Variants in VDR observed in about 807,000 individuals in gnomAD.
The protein encoded by VDR is vitamin D3 receptor.
VDR carries 19 observed loss-of-function variants against 39.7 expected under a neutral mutation model. That is an observed-to-expected ratio of 0.48 (90% CI 0.33 to 0.70). VDR has a LOEUF of 0.70. Among genes scored for constraint, VDR ranks in the 30% least tolerant of loss-of-function variants. The pLI is 0.02. For missense variants in VDR, 442 were observed against 570.5 expected (o/e 0.77, Z 2.29); for synonymous variants, 242 against 215.8 (o/e 1.12, Z -1.07).
intron 6 of VDR, among the ~76,000 whole-genome samples, chr12:47,856,622 T>A (rs55941581): frequency 0.4 from 50,073 of 126,022 alleles, 8,843 homozygotes; most frequent in South Asian, 0.49. Flanking sequence ...GTGTTTTTTT[T>A]AAAAAAAAAA....
intron 1 of VDR, among the ~76,000 whole-genome samples, chr12:47,886,226 C>T (rs530914161): frequency 1.5e-3 from 233 of 152,330 alleles, no homozygotes; most frequent in Non-Finnish European, 2.0e-3. Context: ...CCTGTGTGTC[C>T]GCCAGCCACA....
At chr12:47,876,867 C>T (rs1204577688) in intron 3 of VDR, among the ~76,000 whole-genome samples, 1 of 152,208 alleles carries the variant, frequency 6.6e-6, no homozygotes, top group African/African-American at 2.4e-5. Context: ...TCCAATGTGT[C>T]ACCACCCAAC....
At position 47,890,042 on chromosome 12, in the gene VDR, A is replaced by G. The variant is rs143669045; in HGVS notation, c.-83-7268T>C. Among the ~76,000 whole-genome samples, 1,474 of 152,018 alleles carry G rather than the reference A, an allele frequency of 9.7e-3. 33 individuals carry two copies. Among genetic ancestry groups the G allele is most frequent in the African/African-American group, 0.033 (1,385 of 41,446 alleles). ...CTGATCTGGAAAAAGGATTTAGTAC[A>G]GTTATGCTCAAATGAACACTGGACC... On this transcript the variant is annotated intron_variant, in intron 1 of 9. Coordinates refer to ENST00000549336, the MANE Select transcript of VDR (RefSeq NM_000376.3).
chr12:47,860,054 C>G (rs112188253), intron 4 of VDR, among the ~76,000 whole-genome samples: 2,641 of 151,888 alleles, frequency 0.017, 80 homozygotes, highest in African/African-American at 0.06. Context: ...CCTCCACCTC[C>G]CGGGTTCTAA....
chr12:47,901,187 T>C (rs962521003), intron 1 of VDR: 1 of 155,250 alleles, frequency 6.4e-6, no homozygotes, highest in African/African-American at 2.4e-5. Context: ...GAGAATGACT[T>C]CCTTCCTGGC....
chr12:47,863,698 C>A (rs1295777295), intron 4 of VDR, among the ~76,000 whole-genome samples: 2 of 152,174 alleles, frequency 1.3e-5, no homozygotes, highest in African/African-American at 2.4e-5. Flanking sequence ...CAGGCCTGCA[C>A]CCTGTGATGG....
intron 7 of VDR, among the ~76,000 whole-genome samples, chr12:47,853,877 G>A (rs372915167): frequency 1.1e-4 from 17 of 151,382 alleles, no homozygotes; most frequent in Admixed American, 6.6e-4. Context: ...AGCTGAGATC[G>A]CGCCATTGCA....
chr12:47,863,232 C>T (rs1312822493), intron 4 of VDR, among the ~76,000 whole-genome samples: 2 of 152,198 alleles, frequency 1.3e-5, no homozygotes, highest in African/African-American at 2.4e-5. Context: ...ATTCTAGTCC[C>T]AGCTTGGCCA....
chr12:47,891,905 C>A (rs573339407), intron 1 of VDR, among the ~76,000 whole-genome samples: 1 of 152,124 alleles, frequency 6.6e-6, no homozygotes, highest in South Asian at 2.1e-4. Context: ...ACCACCCACC[C>A]CCACCCACCA....
In VDR at chr12:47,844,634, G is replaced by C; in HGVS notation, c.*112C>G. ...GTGGATAGGGGAGGTGGCAGAGGAG[G>C]GGCTGAACCCCAGACGGGGTGAGGA... On this transcript the variant is annotated 3_prime_UTR_variant, in exon 10 of 10. Coordinates refer to ENST00000549336, the MANE Select transcript of VDR (RefSeq NM_000376.3). 4 of 1,461,690 alleles carry C rather than the reference G, an allele frequency of 2.7e-6. No homozygotes were observed. In the South Asian group the frequency reaches 4.8e-5, roughly 17 times the overall value. The allele number at this position is 1,461,690 out of a possible 1,614,324, so 90.5% of individuals were successfully genotyped here.
chr12:47,850,887 C>T (rs1015388839), intron 7 of VDR, among the ~76,000 whole-genome samples: 2 of 151,808 alleles, frequency 1.3e-5, no homozygotes, highest in South Asian at 4.2e-4. Context: ...CGCATTCCCA[C>T]GGTACCTCCA....
intron 1 of VDR, among the ~76,000 whole-genome samples, chr12:47,894,477 G>T (rs1359940681): frequency 1.3e-5 from 2 of 152,192 alleles, no homozygotes; most frequent in Non-Finnish European, 2.9e-5. Context: ...CTGCCAGGTG[G>T]GCTGCAGACA....
chr12:47,890,377 T>TTATATATATATA (rs60534556), intron 1 of VDR, among the ~76,000 whole-genome samples: 3 of 141,914 alleles, frequency 2.1e-5, no homozygotes, highest in African/African-American at 8.2e-5. Flanking sequence ...AATATATATT[T>TTATATATATATA]TATATATATA....
intron 7 of VDR, among the ~76,000 whole-genome samples, chr12:47,852,199 A>C (rs551123675): frequency 4.9e-4 from 74 of 152,322 alleles, no homozygotes; most frequent in Admixed American, 1.2e-3. Flanking sequence ...TGAACCTGGA[A>C]TCACTGTATC....
intron 3 of VDR, among the ~76,000 whole-genome samples, chr12:47,870,320 C>T (rs1266661918): frequency 6.6e-6 from 1 of 152,232 alleles, no homozygotes; most frequent in African/African-American, 2.4e-5. Flanking sequence ...CTACACCCTA[C>T]CCTGCCTTCC....
At position 47,857,645 on chromosome 12, in the gene VDR, G is replaced by T. The variant is rs539616484; in HGVS notation, c.321C>A (p.Ile107=). ...DEEVQRKREM[I]LKRKEEEALK... is the part of the protein sequence containing the mutation. The stretch of plus-strand genomic sequence containing the variant: ...AGGCCTCCTCCTCCTTCCGCTTCAG[G>T]ATCATCTCCCGCTTCCTCTGCACTT... Residue 107 remains isoleucine, a synonymous_variant, in exon 5 of 10, where the codon ATC becomes ATA. Coordinates refer to ENST00000549336, the MANE Select transcript of VDR (RefSeq NM_000376.3). The T allele has an allele frequency of 3.1e-6, 5 of 1,614,198 alleles. No homozygotes were observed. Among genetic ancestry groups the T allele is most frequent in the South Asian group, 1.1e-5 (1 of 91,084 alleles).
intron 7 of VDR, among the ~76,000 whole-genome samples, chr12:47,847,795 T>G (rs1015527713): frequency 1.1e-4 from 17 of 152,138 alleles, no homozygotes; most frequent in Non-Finnish European, 1.8e-4. Flanking sequence ...CAAGCTGGAG[T>G]GCAACAGAAT....
At chr12:47,871,002 G>A (rs934251592) in intron 3 of VDR, among the ~76,000 whole-genome samples, 1 of 152,156 alleles carries the variant, frequency 6.6e-6, no homozygotes, top group African/African-American at 2.4e-5. Flanking sequence ...GTATGTGAGA[G>A]GCAGCATCAG....
chr12:47,851,746 C>T (rs1260840633), intron 7 of VDR, among the ~76,000 whole-genome samples: 3 of 152,250 alleles, frequency 2.0e-5, no homozygotes, highest in Admixed American at 6.5e-5. Context: ...CCTGCAAGCT[C>T]TCTTAGCAAG....
Sources: allele counts gnomAD v4.1 joint callset (sites outside exome capture counted in the v4.1 genomes callset), GRCh38; gene constraint gnomAD v4.1.1; transcripts MANE v1.5; gene names NCBI Gene and HGNC (gene_info 2026-07-23, HGNC 2026-07-21).